EXOC4: variants seen among roughly 807,000 people sequenced by gnomAD.
EXOC4 encodes the protein SEC8-like 1.
Under a neutral mutation model 107.2 loss-of-function variants are expected in EXOC4, and 71 were observed. The observed-to-expected ratio is 0.66, with a 90% CI of 0.55 to 0.81. EXOC4 has a LOEUF of 0.81. EXOC4 is among the 30% of genes least tolerant of loss of function. EXOC4 has a pLI of 0.00. For missense variants in EXOC4, 1,108 were observed against 1,189.6 expected, an observed-to-expected ratio of 0.93 and a Z score of 1.01; for synonymous variants, 456 against 441.2, an observed-to-expected ratio of 1.03 and a Z score of -0.42.
At chr7:133,600,178 T>A (rs925644566) in intron 9 of EXOC4, among the ~76,000 whole-genome samples, 3 of 152,092 alleles carry the variant, frequency 2.0e-5, no homozygotes, top group Non-Finnish European at 2.9e-5. Context: ...CTGAGATAAG[T>A]CAGGCATAAG....
chr7:133,627,239 G>A (rs979110931), intron 9 of EXOC4, among the ~76,000 whole-genome samples: 5 of 152,180 alleles, frequency 3.3e-5, no homozygotes, highest in African/African-American at 1.2e-4. Context: ...CTAAAGAAAT[G>A]GTACGAGGGG....
chr7:133,632,386 A>T (rs76715960), intron 10 of EXOC4, among the ~76,000 whole-genome samples: 2,089 of 152,238 alleles, frequency 0.014, 53 homozygotes, highest in African/African-American at 0.047. Flanking sequence ...CCAAAATATT[A>T]TGTGGTCTGA....
In EXOC4 at chr7:133,325,034, C is replaced by T. The variant is rs566603402; in HGVS notation, c.763+7644C>T. Among the ~76,000 whole-genome samples the T allele has an allele frequency of 6.6e-5, 10 of 152,174 alleles. No individual in the cohort carries two copies. In the East Asian group the frequency reaches 1.9e-3, roughly 29 times the overall value. ...TTTATCAGAGACTAGGATTGCAACCCCTGCCTTTTTTTGTTTTCCATTTGC... is the reference window on the plus strand; with the variant it reads ...TTTATCAGAGACTAGGATTGCAACCTCTGCCTTTTTTTGTTTTCCATTTGC... On this transcript the variant is annotated intron_variant, in intron 5 of 17. Coordinates refer to ENST00000253861, the MANE Select transcript of EXOC4 (RefSeq NM_021807.4).
intron 17 of EXOC4, among the ~76,000 whole-genome samples, chr7:134,053,383 A>G (rs552177344): frequency 6.6e-6 from 1 of 152,198 alleles, no homozygotes; most frequent in South Asian, 2.1e-4. Context: ...AAGCCTTGGA[A>G]CAACCCTATG....
intron 10 of EXOC4, among the ~76,000 whole-genome samples, chr7:133,652,909 A>C (rs1258574678): frequency 6.6e-6 from 1 of 152,206 alleles, no homozygotes; most frequent in South Asian, 2.1e-4. Context: ...TTGGACTTAA[A>C]ATATCAGCCT....
At chr7:133,979,347 A>T (rs945060315) in intron 14 of EXOC4, among the ~76,000 whole-genome samples, 2 of 152,022 alleles carry the variant, frequency 1.3e-5, no homozygotes, top group East Asian at 3.9e-4. Flanking sequence ...TTCCCTTCTC[A>T]TAGTGCCTCT....
At chr7:133,334,132 A>G (rs1027045723) in intron 5 of EXOC4, among the ~76,000 whole-genome samples, 1 of 152,082 alleles carries the variant, frequency 6.6e-6, no homozygotes, top group Non-Finnish European at 1.5e-5. Flanking sequence ...GTTGATTTTA[A>G]TTATTTATTG....
chr7:133,895,882 C>G (rs1457003002), intron 12 of EXOC4, 147 bp downstream of exon 12: 2 of 831,702 alleles, frequency 2.4e-6, no homozygotes, highest in Non-Finnish European at 3.7e-6. Context: ...AAATAGCCTC[C>G]TAGACCTTTG....
intron 8 of EXOC4, chr7:133,479,633 C>G (rs1211301862): frequency 5.4e-6 from 1 of 185,720 alleles, no homozygotes; most frequent in Admixed American, 5.3e-5. Context: ...CTCTGAGGAG[C>G]CAGTGTGTCT....
At chr7:133,402,730 G>A (rs1189426971) in intron 7 of EXOC4, among the ~76,000 whole-genome samples, 1 of 151,994 alleles carries the variant, frequency 6.6e-6, no homozygotes, top group Non-Finnish European at 1.5e-5. Flanking sequence ...TCTTGAACTC[G>A]TGACCTCAAG....
intron 10 of EXOC4, among the ~76,000 whole-genome samples, chr7:133,749,797 A>G (rs1208769321): frequency 2.0e-5 from 3 of 152,186 alleles, no homozygotes. Context: ...TGAGCATGAT[A>G]TGAACTAGTA....
chr7:133,866,518 G>C (rs116614598), intron 11 of EXOC4, among the ~76,000 whole-genome samples: 2,380 of 152,274 alleles, frequency 0.016, 62 homozygotes, highest in African/African-American at 0.054. Context: ...CTGCTGTCCT[G>C]TTTTGGATAA....
At chr7:133,474,539 C>G (rs1361419358) in intron 7 of EXOC4, among the ~76,000 whole-genome samples, 3 of 150,998 alleles carry the variant, frequency 2.0e-5, no homozygotes, top group African/African-American at 4.9e-5. Flanking sequence ...TCTTGAACTT[C>G]TGGCCTCAAG....
At chr7:133,276,548 T>A (rs527473511) in intron 2 of EXOC4, among the ~76,000 whole-genome samples, 85 of 152,252 alleles carry the variant, frequency 5.6e-4, no homozygotes, top group African/African-American at 2.0e-3. Context: ...CTTTTTTTTT[T>A]AATGTGATAT....
At chr7:133,916,159 C>G (rs1161262157) in intron 12 of EXOC4, among the ~76,000 whole-genome samples, 1 of 152,184 alleles carries the variant, frequency 6.6e-6, no homozygotes, top group Admixed American at 6.5e-5. Context: ...GTTAGTTTCT[C>G]GTAAGGAGCA....
At chr7:133,899,539 C>T (rs992104777) in intron 12 of EXOC4, among the ~76,000 whole-genome samples, 1 of 152,138 alleles carries the variant, frequency 6.6e-6, no homozygotes, top group African/African-American at 2.4e-5. Flanking sequence ...TCAGTTTAAT[C>T]CTTTTATGAA....
chr7:133,784,685 T>G (rs1454462823), intron 10 of EXOC4, among the ~76,000 whole-genome samples: 2 of 152,202 alleles, frequency 1.3e-5, no homozygotes, highest in Non-Finnish European at 2.9e-5. Context: ...AAAGTGTTAC[T>G]TGGTATTACA....
chr7:133,695,728 C>T (rs994263579), intron 10 of EXOC4, among the ~76,000 whole-genome samples: 27 of 152,262 alleles, frequency 1.8e-4, no homozygotes, highest in African/African-American at 6.0e-4. Flanking sequence ...AGAGATAGCA[C>T]CTTTTCTAGT....
rs1421268331 is a variant in EXOC4 at position 133,576,922 on chromosome 7, C to G, written c.1418-53123C>G. ...ACTTGTTTGTTCTTGCTTTCCAGATCTCTTATTCACTGCATGTGTGTATGT... is the reference window on the plus strand; with the variant it reads ...ACTTGTTTGTTCTTGCTTTCCAGATGTCTTATTCACTGCATGTGTGTATGT... On this transcript the variant is annotated intron_variant, in intron 9 of 17. Transcript: ENST00000253861. 4 of 1,215,156 alleles carry G rather than the reference C, an allele frequency of 3.3e-6. No homozygotes were observed. The African/African-American group carries it at 6.2e-5, about 19-fold the overall frequency. 75.3% of individuals were successfully genotyped at this position (1,215,156 alleles called of 1,614,324 possible).
Sources: gnomAD v4.1 joint callset for allele counts (sites outside exome capture counted in the v4.1 genomes callset) on GRCh38, gnomAD v4.1.1 for gene constraint, MANE v1.5 for transcripts, NCBI Gene and HGNC (gene_info 2026-07-23, HGNC 2026-07-21) for gene names.